PCDHGA1: variants seen among roughly 807,000 people sequenced by gnomAD.
The protein encoded by PCDHGA1 is protocadherin gamma subfamily A, 1.
A neutral mutation model predicts 58.0 loss-of-function variants in PCDHGA1; 32 were observed. The ratio of observed to expected loss-of-function variants is 0.55; its 90% CI spans 0.42 to 0.74. PCDHGA1 has a LOEUF of 0.74. Among genes scored for constraint, PCDHGA1 ranks in the 30% least tolerant of loss-of-function variants. PCDHGA1 has a pLI of 0.00. For missense variants in PCDHGA1, 1,205 were observed against 1,182.3 expected (o/e 1.02, Z -0.28); for synonymous variants, 498 against 501.1 (o/e 0.99, Z 0.08).
At chr5:141,469,780 G>A (rs775691161) in intron 1 of PCDHGA1, among the ~76,000 whole-genome samples, 12 of 152,080 alleles carry the variant, frequency 7.9e-5, no homozygotes, top group Non-Finnish European at 1.8e-4. Context: ...ATTTATTACA[G>A]CGTTATTTGT....
intron 1 of PCDHGA1, chr5:141,427,902 C>G: frequency 6.4e-7 from 1 of 1,573,742 alleles, no homozygotes; most frequent in South Asian, 1.1e-5. Flanking sequence ...CTCGCCCGCG[C>G]TCAGCGCCAA....
chr5:141,389,863 TG>T, intron 1 of PCDHGA1: 2 of 1,614,064 alleles, frequency 1.2e-6, no homozygotes, highest in Non-Finnish European at 1.7e-6. Context: ...ACGTTGCACC[TG>T]GTCTTCGCCG....
chr5:141,479,574 T>A (rs1291334449), intron 1 of PCDHGA1: 1 of 152,228 alleles, frequency 6.6e-6, no homozygotes, highest in South Asian at 2.1e-4. Context: ...GGATGACATC[T>A]GTGAATAGCC....
At position 141,432,360 on chromosome 5, in the gene PCDHGA1, C is replaced by T; in HGVS notation, c.2422-62447C>T. On this transcript the variant is annotated intron_variant, in intron 1 of 3. Transcript: ENST00000517417. This position sits in a 1 kb window ranked among gnomAD's most constrained non-coding sequence, Gnocchi z 6.0. Reference sequence around the variant, plus strand: ...CGAGACTTGCAAGTGAAAGTGATGGCGCGGGACAACGGGCACCCGCCCCTC... The same window carrying T: ...CGAGACTTGCAAGTGAAAGTGATGGTGCGGGACAACGGGCACCCGCCCCTC... 1.9e-6 allele frequency: 3 copies of T among 1,614,228 alleles called. No individual in the cohort carries two copies. The highest frequency in any genetic ancestry group is 1.1e-5 in the South Asian group (1 of 91,088).
At chr5:141,395,497 A>T in intron 1 of PCDHGA1, 1 of 472,724 alleles carries the variant, frequency 2.1e-6, no homozygotes, top group Non-Finnish European at 3.7e-6. Flanking sequence ...TCACTCATTC[A>T]CTTAAGAAGT....
chr5:141,433,174 G>A (rs1298757358), intron 1 of PCDHGA1: 1 of 1,610,308 alleles, frequency 6.2e-7, no homozygotes, highest in Non-Finnish European at 8.5e-7. Context: ...ACAGTCATGG[G>A]TTAATTGAGG....
In PCDHGA1 at chr5:141,490,507, G is replaced by C; in HGVS notation, c.2422-4300G>C. 1 of 1,614,016 alleles carries C rather than the reference G, an allele frequency of 6.2e-7. No individual in the cohort carries two copies. Among genetic ancestry groups the C allele is most frequent in the Non-Finnish European group, 8.5e-7 (1 of 1,180,002 alleles). On this transcript the variant is annotated intron_variant, in intron 1 of 3. Transcript: ENST00000517417. The surrounding 1 kb of genome is among the most constrained non-coding windows in gnomAD (Gnocchi z 5.4). ...GGAGGCCACATCCCACTATATCATCGAGCTGCTGGCCAGCGATGCTGGTTC... is the reference window on the plus strand; with the variant it reads ...GGAGGCCACATCCCACTATATCATCCAGCTGCTGGCCAGCGATGCTGGTTC...
Position 141,377,206 on chromosome 5 carries a change from C to T in PCDHGA1, c.2421+44101C>T, listed in dbSNP as rs192772101. The T allele has an allele frequency of 1.8e-4, 28 of 152,284 alleles. No individual in the cohort carries two copies. In the East Asian group the frequency reaches 2.5e-3, roughly 14 times the overall value. 9.4% of individuals were successfully genotyped at this position (152,284 alleles called of 1,614,324 possible). ...AACTATTTGTGTCTTGGATTGAGTA[C>T]ATCTCGTTTCTTAGGTTTTTTCCTA... On this transcript the variant is annotated intron_variant, in intron 1 of 3. Coordinates refer to ENST00000517417, the MANE Select transcript of PCDHGA1 (RefSeq NM_018912.3).
At chr5:141,498,679 C>G (rs1454800332) in intron 2 of PCDHGA1, among the ~76,000 whole-genome samples, 1 of 152,170 alleles carries the variant, frequency 6.6e-6, no homozygotes, top group Admixed American at 6.5e-5. Flanking sequence ...CGCCTGTAAT[C>G]CCAGCACTTT....
chr5:141,443,443 G>A (rs2098388456), intron 1 of PCDHGA1, among the ~76,000 whole-genome samples: 1 of 152,124 alleles, frequency 6.6e-6, no homozygotes, highest in African/African-American at 2.4e-5. Flanking sequence ...CTGTGGTTGC[G>A]CTCCTGTACT....
chr5:141,357,661 T>C, intron 1 of PCDHGA1: 5 of 1,605,092 alleles, frequency 3.1e-6, no homozygotes, highest in Non-Finnish European at 4.3e-6. Flanking sequence ...CACTGAAATA[T>C]AGACAAAGAG....
rs1279242334 is a variant in PCDHGA1 at position 141,330,967 on chromosome 5, CT to C, written c.284del (p.Leu95ProfsTer10). ...ITARRIDREE[L>X]CAQSMPCLVS... ...CGCGCGCAGGATAGACCGGGAGGAG[CT>C]CTGCGCTCAGAGCATGCCGTGTCTC... On this transcript the variant is annotated frameshift_variant, in exon 1 of 4. Coordinates refer to ENST00000517417, the MANE Select transcript of PCDHGA1 (RefSeq NM_018912.3). LOFTEE classifies it high-confidence loss of function. 9 of 1,614,078 alleles carry C rather than the reference CT, an allele frequency of 5.6e-6. No homozygotes were observed. Among genetic ancestry groups the C allele is most frequent in the Non-Finnish European group, 5.9e-6 (7 of 1,180,048 alleles).
chr5:141,356,965 A>T, intron 1 of PCDHGA1: 2 of 1,614,210 alleles, frequency 1.2e-6, no homozygotes, highest in Non-Finnish European at 1.7e-6. Context: ...CTACCTGGTG[A>T]CCAAAGTGGT....
At chr5:141,366,546 ACT>A (rs1213982480) in intron 1 of PCDHGA1, 6 of 1,614,216 alleles carry the variant, frequency 3.7e-6, no homozygotes, top group Non-Finnish European at 5.1e-6. Context: ...CCCGCCTCGC[ACT>A]TTGTGGGCGT....
chr5:141,389,471 A>T (rs1425309295), intron 1 of PCDHGA1: 1 of 1,613,092 alleles, frequency 6.2e-7, no homozygotes, highest in Non-Finnish European at 8.5e-7. Flanking sequence ...TCGAACTCAC[A>T]CTGCAGGCCC....
intron 1 of PCDHGA1, chr5:141,418,165 T>G (rs1296752918): frequency 6.2e-7 from 1 of 1,614,034 alleles, no homozygotes. Flanking sequence ...GAAGAAGATG[T>G]GAGTTGCAAT....
chr5:141,435,760 T>C (rs1241767830), intron 1 of PCDHGA1, among the ~76,000 whole-genome samples: 1 of 152,172 alleles, frequency 6.6e-6, no homozygotes, highest in Non-Finnish European at 1.5e-5. Context: ...TTGATTTCTT[T>C]TGGTGAATTC....
intron 1 of PCDHGA1, chr5:141,390,565 G>T: frequency 4.8e-6 from 2 of 420,818 alleles, no homozygotes. Context: ...ACAGTTGTTG[G>T]CTCTCTCCTA....
intron 1 of PCDHGA1, among the ~76,000 whole-genome samples, chr5:141,373,124 C>T (rs933714666): frequency 6.6e-6 from 1 of 152,188 alleles, no homozygotes; most frequent in African/African-American, 2.4e-5. Flanking sequence ...GAATTAGACC[C>T]AAATCCTCAC....
Sources: gnomAD v4.1 joint callset for allele counts (sites outside exome capture counted in the v4.1 genomes callset) on GRCh38, gnomAD v4.1.1 for gene constraint, Gnocchi (gnomAD v3.1) non-coding constraint, MANE v1.5 for transcripts, NCBI Gene and HGNC (gene_info 2026-07-23, HGNC 2026-07-21) for gene names.